Variants in UBR3 observed in about 807,000 individuals in gnomAD.
UBR3 encodes the protein ubiquitin protein ligase E3 component n-recognin 3, also known as E3 ubiquitin-protein ligase UBR3.
Under a neutral mutation model 243.2 loss-of-function variants are expected in UBR3, and 85 were observed. The ratio of observed to expected loss-of-function variants is 0.35; its 90% CI spans 0.29 to 0.42. UBR3 has a LOEUF of 0.42. UBR3 is among the 10% of genes least tolerant of loss of function. The probability of loss-of-function intolerance (pLI) is 1.00; values close to 1 mark genes in which losing one functional copy is unlikely to be tolerated. For synonymous variants in UBR3, 748 were observed against 799.8 expected, an observed-to-expected ratio of 0.94 and a Z score of 1.09; for missense variants, 1,686 against 2,300.8, an observed-to-expected ratio of 0.73 and a Z score of 5.47.
chr2:169,843,226 A>T (rs1380742369), intron 1 of UBR3, among the ~76,000 whole-genome samples: 1 of 152,240 alleles, frequency 6.6e-6, no homozygotes, highest in Non-Finnish European at 1.5e-5. Flanking sequence ...GAGACTGAGT[A>T]ATAAAGAACA....
intron 11 of UBR3, among the ~76,000 whole-genome samples, chr2:169,921,183 A>G (rs2085683090): frequency 6.6e-6 from 1 of 152,228 alleles, no homozygotes. Context: ...GTTTTATGGC[A>G]AAGATACTGA....
intron 24 of UBR3, among the ~76,000 whole-genome samples, chr2:169,979,059 A>G (rs1043824435): frequency 1.3e-5 from 2 of 152,364 alleles, no homozygotes; most frequent in East Asian, 1.9e-4. Context: ...TAATTCAACA[A>G]TAAGAAAACA....
intron 35 of UBR3, among the ~76,000 whole-genome samples, chr2:170,064,987 C>T (rs1263555578): frequency 6.7e-6 from 1 of 150,196 alleles, no homozygotes; most frequent in African/African-American, 2.5e-5. Context: ...GGATTACAGG[C>T]ATCCACCACC....
chr2:169,956,020 G>T (rs1009981383), intron 23 of UBR3, among the ~76,000 whole-genome samples: 1 of 151,872 alleles, frequency 6.6e-6, no homozygotes, highest in Non-Finnish European at 1.5e-5. Flanking sequence ...TAGTGTGAGA[G>T]AGGAAGGGAG....
chr2:170,049,493 C>T (rs2091167269), intron 32 of UBR3, among the ~76,000 whole-genome samples: 1 of 152,166 alleles, frequency 6.6e-6, no homozygotes, highest in Non-Finnish European at 1.5e-5. Flanking sequence ...TCAGAACTAT[C>T]CGCAGTTTCA....
intron 30 of UBR3, among the ~76,000 whole-genome samples, chr2:170,024,619 G>GT (rs911702962): frequency 1.8e-4 from 28 of 152,026 alleles, no homozygotes; most frequent in African/African-American, 3.6e-4. Flanking sequence ...ATTTTATAGA[G>GT]TTTTTTTATG....
chr2:169,830,924 G>T (rs187939930), intron 1 of UBR3, among the ~76,000 whole-genome samples: 87 of 151,264 alleles, frequency 5.8e-4, no homozygotes, highest in African/African-American at 2.0e-3. Context: ...AAGTCTGATC[G>T]CTTGTGATGC....
intron 31 of UBR3, among the ~76,000 whole-genome samples, chr2:170,035,914 G>GGC (rs2090816895): frequency 7.3e-6 from 1 of 137,600 alleles, no homozygotes; most frequent in Non-Finnish European, 1.6e-5. Context: ...TTTTATTGGG[G>GGC]GGGGGGTTGC....
chr2:169,958,563 ATACTTAT>A (rs2087419443), intron 24 of UBR3, 37 bp downstream of exon 24: 1 of 1,557,550 alleles, frequency 6.4e-7, no homozygotes, highest in African/African-American at 1.4e-5. Flanking sequence ...TCTCATAATT[ATACTTAT>A]TACTTTAGGG....
intron 36 of UBR3, 130 bp from the exon 37 acceptor site, chr2:170,079,684 G>C: frequency 1.4e-6 from 1 of 716,828 alleles, no homozygotes; most frequent in Non-Finnish European, 2.2e-6. Flanking sequence ...AATGAGAGGA[G>C]TGTTAATAAA....
chr2:169,941,070 A>G (rs527323430), intron 19 of UBR3, among the ~76,000 whole-genome samples: 1 of 152,310 alleles, frequency 6.6e-6, no homozygotes, highest in South Asian at 2.1e-4. Context: ...CCTGAAGCAG[A>G]TATTCCTCCT....
chr2:170,059,804 G>T (rs963254153), intron 33 of UBR3, among the ~76,000 whole-genome samples: 2 of 152,054 alleles, frequency 1.3e-5, no homozygotes, highest in Non-Finnish European at 2.9e-5. Context: ...GCAAAGAAGT[G>T]ATTATCAGAA....
At chr2:169,991,076 C>T (rs1165001618) in intron 25 of UBR3, among the ~76,000 whole-genome samples, 1 of 151,416 alleles carries the variant, frequency 6.6e-6, no homozygotes, top group East Asian at 1.9e-4. Context: ...TAGTATGAGA[C>T]AAAATAAACT....
At chr2:169,900,364 T>TCTTTG (rs2084770816) in intron 8 of UBR3, among the ~76,000 whole-genome samples, 1 of 152,254 alleles carries the variant, frequency 6.6e-6, no homozygotes, top group Admixed American at 6.5e-5. Context: ...GTAAATTTGT[T>TCTTTG]TAAGTTCTTT....
chr2:170,021,557 C>T (rs1200967806), intron 30 of UBR3, among the ~76,000 whole-genome samples: 4 of 152,114 alleles, frequency 2.6e-5, no homozygotes, highest in African/African-American at 9.7e-5. Context: ...GGCCCCACCT[C>T]CTTATACTAA....
chr2:169,995,139 G>A (rs978980153), intron 26 of UBR3, among the ~76,000 whole-genome samples: 15 of 152,140 alleles, frequency 9.9e-5, no homozygotes, highest in African/African-American at 3.4e-4. Context: ...AATTTATAAA[G>A]TATATGATAA....
rs148622649 is a variant in UBR3 at position 170,044,899 on chromosome 2, A to G, written c.4660+3914A>G. Among the ~76,000 whole-genome samples, 16 of 152,140 alleles carry G rather than the reference A, an allele frequency of 1.1e-4. No individual in the cohort carries two copies. In the South Asian group the frequency reaches 1.7e-3, roughly 16 times the overall value. ...GAAGCCCTCTTAGATGATTCACACA[A>G]AATTTACAATTATTATCTCCTTAGA... On this transcript the variant is annotated intron_variant, in intron 32 of 38. Transcript: ENST00000272793.
intron 1 of UBR3, among the ~76,000 whole-genome samples, chr2:169,860,483 TC>T (rs1184575539): frequency 6.6e-6 from 1 of 152,186 alleles, no homozygotes; most frequent in African/African-American, 2.4e-5. Flanking sequence ...GTTTCGCCAT[TC>T]TCGCTGTTGG....
intron 27 of UBR3, among the ~76,000 whole-genome samples, chr2:170,006,179 T>G (rs1469346127): frequency 2.0e-5 from 3 of 148,790 alleles, no homozygotes; most frequent in Non-Finnish European, 4.4e-5. Flanking sequence ...TCACAAATCT[T>G]CTTCTCTGGA....
Sources: gnomAD v4.1 joint callset for allele counts (sites outside exome capture counted in the v4.1 genomes callset) on GRCh38, gnomAD v4.1.1 for gene constraint, MANE v1.5 for transcripts, NCBI Gene and HGNC (gene_info 2026-07-23, HGNC 2026-07-21) for gene names.